TRAPPC11: variants seen among roughly 807,000 people sequenced by gnomAD.
TRAPPC11 encodes the protein trafficking protein particle complex subunit 11.
Under a neutral mutation model 151.2 loss-of-function variants are expected in TRAPPC11, and 104 were observed. That is an observed-to-expected ratio of 0.69 (90% CI 0.59 to 0.81). The LOEUF is 0.81. TRAPPC11 is among the 30% of genes least tolerant of loss of function. The probability of loss-of-function intolerance (pLI) is 0.00; values close to 1 mark genes in which losing one functional copy is unlikely to be tolerated. For synonymous variants in TRAPPC11, 456 were observed against 472.3 expected, an observed-to-expected ratio of 0.97 and a Z score of 0.45; for missense variants, 1,230 against 1,349.6, an observed-to-expected ratio of 0.91 and a Z score of 1.39.
At position 183,705,032 on chromosome 4, in the gene TRAPPC11, A is replaced by T; in HGVS notation, c.3017A>T (p.His1006Leu). The T allele has an allele frequency of 6.3e-7, 1 of 1,599,608 alleles. No individual in the cohort carries two copies. Among genetic ancestry groups the T allele is most frequent in the Non-Finnish European group, 8.5e-7 (1 of 1,169,794 alleles). Reference sequence around the variant, plus strand: ...ATCACAACTGTCATCACTCTGCCGCACGTGATTGTGGAGAATATCCCTCTC... The same window carrying T: ...ATCACAACTGTCATCACTCTGCCGCTCGTGATTGTGGAGAATATCCCTCTC... ...PIITTVITLP[H>L]VIVENIPLHV... The change falls in exon 27 of 30, where the codon CAC becomes CTC. Residue 1006 changes from histidine (H) to leucine (L), a missense_variant. Coordinates refer to ENST00000334690, the MANE Select transcript of TRAPPC11 (RefSeq NM_021942.6).
intron 28 of TRAPPC11, among the ~76,000 whole-genome samples, chr4:183,707,775 A>G (rs982764719): frequency 2.6e-5 from 4 of 152,218 alleles, no homozygotes; most frequent in African/African-American, 9.6e-5. Flanking sequence ...TATACCAACT[A>G]TAGTATTTAC....
chr4:183,700,662 G>A (rs540770981), intron 25 of TRAPPC11, among the ~76,000 whole-genome samples: 1 of 152,276 alleles, frequency 6.6e-6, no homozygotes, highest in Non-Finnish European at 1.5e-5. Flanking sequence ...CAATAGTGAG[G>A]CGGTATGAGT....
intron 9 of TRAPPC11, 87 bp downstream of exon 9, chr4:183,679,573 A>G: frequency 1.6e-6 from 2 of 1,235,942 alleles, no homozygotes; most frequent in South Asian, 3.5e-5. Context: ...CTAAAACTGA[A>G]CCAGGTTTTT....
intron 5 of TRAPPC11, among the ~76,000 whole-genome samples, chr4:183,672,863 T>G (rs764844546): frequency 3.3e-5 from 5 of 152,216 alleles, no homozygotes; most frequent in Non-Finnish European, 7.3e-5. Flanking sequence ...ATTTTTTGTT[T>G]TTGTTTTTTG....
In TRAPPC11 at chr4:183,701,753, C is replaced by G. The variant is rs1736809882; in HGVS notation, c.2908C>G (p.Leu970Val). Residue 970 changes from leucine (L) to valine (V), a missense_variant, in exon 26 of 30, where the codon CTT (leucine) becomes GTT (valine). By Grantham distance (32) the Leu-to-Val change is conservative. Coordinates refer to ENST00000334690, the MANE Select transcript of TRAPPC11 (RefSeq NM_021942.6). ...ATGCTTTTGTCTTCAATGCCCATCT[C>G]TTGGAAATATTGAAGGTGGAGTAGC... The part of the protein sequence containing the change: ...SECFCLQCPS[L>V]GNIEGGVATG... 1 of 1,613,884 alleles carries G rather than the reference C, an allele frequency of 6.2e-7. No individual in the cohort carries two copies. Among genetic ancestry groups the G allele is most frequent in the South Asian group, 1.1e-5 (1 of 91,082 alleles).
At chr4:183,693,504 CCT>C in intron 20 of TRAPPC11, 83 bp from the exon 21 acceptor site, 1 of 1,425,226 alleles carries the variant, frequency 7.0e-7, no homozygotes, top group Non-Finnish European at 9.4e-7. Flanking sequence ...CTGCACCCAG[CCT>C]CTTATTTCTT....
Position 183,664,172 on chromosome 4 carries a change from T to C in TRAPPC11, c.204+101T>C, listed in dbSNP as rs1258577101. On this transcript the variant is annotated intron_variant, in intron 2 of 29. Coordinates refer to ENST00000334690, the MANE Select transcript of TRAPPC11 (RefSeq NM_021942.6). ...GTGTGTGTGGAGTTTATCAAGACAG[T>C]GGTCACAGTGGTGCATAAAGAAAGC... The C allele has an allele frequency of 1.2e-5, 12 of 985,660 alleles. No individual in the cohort carries two copies. The East Asian group carries it at 2.9e-4, about 24-fold the overall frequency. 61.1% of individuals were successfully genotyped at this position (985,660 alleles called of 1,614,324 possible).
chr4:183,686,678 A>T lies in TRAPPC11; in HGVS notation c.1823A>T (p.Asp608Val). 6.2e-7 allele frequency: 1 copy of T among 1,614,044 alleles called. No individual in the cohort carries two copies. The highest frequency in any genetic ancestry group is 8.5e-7 in the Non-Finnish European group (1 of 1,179,978). The change falls in exon 18 of 30, where the codon GAT (aspartate) becomes GTT (valine). Residue 608 changes from aspartate (D) to valine (V), a missense_variant. By Grantham distance (152) the Asp-to-Val change is radical (BLOSUM62 -3). Coordinates refer to ENST00000334690, the MANE Select transcript of TRAPPC11 (RefSeq NM_021942.6). ...CATGTTGATGTTCCTGTTCAGTTTG[A>T]TATTTATCTGAAGGCTGATTGTCCA... The part of the protein sequence containing the change: ...SFHVDVPVQF[D>V]IYLKADCPHP...
Position 183,697,497 on chromosome 4 carries a change from T to C in TRAPPC11, c.2629-6T>C. The C allele has an allele frequency of 6.3e-7, 1 of 1,594,600 alleles. No homozygotes were observed. Among genetic ancestry groups the C allele is most frequent in the Non-Finnish European group, 8.5e-7 (1 of 1,175,646 alleles). ...CCATGAATGTGCCCTTTACATTTTC[T>C]TGCAGGATGAAACTGTAACAATTGA... On this transcript the variant is annotated splice_polypyrimidine_tract_variant and splice_region_variant and intron_variant, in intron 23 of 29. Transcript: ENST00000334690.
chr4:183,696,255 G>C (rs567046031), intron 23 of TRAPPC11, among the ~76,000 whole-genome samples: 1 of 152,274 alleles, frequency 6.6e-6, no homozygotes, highest in South Asian at 2.1e-4. Flanking sequence ...AATATGTATT[G>C]AGCCAGGATT....
Position 183,713,196 on chromosome 4 carries a change from T to C in TRAPPC11, c.*552T>C, listed in dbSNP as rs1737412276. 1 of 152,388 alleles carries C rather than the reference T, an allele frequency of 6.6e-6. No individual in the cohort carries two copies. Among genetic ancestry groups the C allele is most frequent in the African/African-American group, 2.4e-5 (1 of 41,468 alleles). The allele number at this position is 152,388 out of a possible 1,614,324, so 9.4% of individuals were successfully genotyped here. On this transcript the variant is annotated 3_prime_UTR_variant, in exon 30 of 30. Coordinates refer to ENST00000334690, the MANE Select transcript of TRAPPC11 (RefSeq NM_021942.6). ...TTAATTAAGGTATCAAAAATATCTTTGCTTACTATCAAGAAGTGTCAAATA... is the reference window on the plus strand; with the variant it reads ...TTAATTAAGGTATCAAAAATATCTTCGCTTACTATCAAGAAGTGTCAAATA...
At position 183,673,734 on chromosome 4, in the gene TRAPPC11, G is replaced by C. The variant is rs565443178; in HGVS notation, c.561-979G>C. ...AAATGAAATGAAATATCTTAACCTAGAAAATCAAATATAAAATATAATAGC... is the reference window on the plus strand; with the variant it reads ...AAATGAAATGAAATATCTTAACCTACAAAATCAAATATAAAATATAATAGC... On this transcript the variant is annotated intron_variant, in intron 5 of 29. Coordinates refer to ENST00000334690, the MANE Select transcript of TRAPPC11 (RefSeq NM_021942.6). 2.6e-5 allele frequency among the ~76,000 whole-genome samples: 4 copies of C among 152,248 alleles called. No individual in the cohort carries two copies. In the East Asian group the frequency reaches 7.7e-4, roughly 29 times the overall value.
intron 29 of TRAPPC11, among the ~76,000 whole-genome samples, chr4:183,709,247 A>G (rs1431228001): frequency 6.6e-6 from 1 of 151,878 alleles, no homozygotes; most frequent in Non-Finnish European, 1.5e-5. Flanking sequence ...TTAAGTTTCT[A>G]CCCTCATTTG....
chr4:183,684,869 C>G lies in TRAPPC11; in HGVS notation c.1567+28C>G, dbSNP rs998828278. 4 of 1,589,750 alleles carry G rather than the reference C, an allele frequency of 2.5e-6. No homozygotes were observed. In the South Asian group the frequency reaches 3.4e-5, roughly 14 times the overall value. On this transcript the variant is annotated intron_variant, in intron 15 of 29. Coordinates refer to ENST00000334690, the MANE Select transcript of TRAPPC11 (RefSeq NM_021942.6). ...AACCTGATGTTTTTTGAGTAAAATT[C>G]TTGATACATAAAATTATTTAGCATC...
At chr4:183,694,863 A>G in intron 23 of TRAPPC11, 140 bp downstream of exon 23, 1 of 851,988 alleles carries the variant, frequency 1.2e-6, no homozygotes, top group Non-Finnish European at 1.7e-6. Context: ...TAAACTTTTT[A>G]AAAAATCACT....
intron 8 of TRAPPC11, among the ~76,000 whole-genome samples, chr4:183,678,738 A>T (rs1222471772): frequency 6.6e-6 from 1 of 152,232 alleles, no homozygotes; most frequent in African/African-American, 2.4e-5. Context: ...AGAGACAGGA[A>T]TGGATGAGAG....
rs11462767 is a variant in TRAPPC11 at position 183,665,929 on chromosome 4, CT to C, written c.205-310del. On this transcript the variant is annotated intron_variant, in intron 2 of 29. Transcript: ENST00000334690. The stretch of plus-strand genomic sequence containing the variant: ...GTAGAATTTACCTGGAAATGGGCTA[CT>C]TTTTTTTTTTTTTTTTTCTTTAGCA... 8.3e-3 allele frequency among the ~76,000 whole-genome samples: 1,138 copies of C among 137,872 alleles called. 6 individuals are homozygous for C. The highest frequency in any genetic ancestry group is 0.023 in the Admixed American group (312 of 13,686). The allele number at this position is 137,872 out of a possible 152,430, so 90.4% of individuals were successfully genotyped here. A position where few individuals can be genotyped will look rare whatever the true frequency, so the allele number is the denominator to read the frequency against.
intron 18 of TRAPPC11, among the ~76,000 whole-genome samples, chr4:183,687,557 G>T (rs1736046931): frequency 6.6e-6 from 1 of 151,874 alleles, no homozygotes; most frequent in Admixed American, 6.6e-5. Flanking sequence ...TTGAACTCCT[G>T]GGCTCCAGTG....
chr4:183,684,958 C>A, intron 15 of TRAPPC11, 117 bp downstream of exon 15: 2 of 1,290,286 alleles, frequency 1.6e-6, no homozygotes, highest in Non-Finnish European at 2.2e-6. Context: ...TTACTATGTG[C>A]AAATCACTGT....
Sources: gnomAD v4.1 joint callset for allele counts (sites outside exome capture counted in the v4.1 genomes callset) on GRCh38, gnomAD v4.1.1 for gene constraint, MANE v1.5 for transcripts, NCBI Gene and HGNC (gene_info 2026-07-23, HGNC 2026-07-21) for gene names.